The following TENM1 variants were observed in gnomAD, a reference collection of about 807,000 sequenced individuals.
TENM1 encodes the protein teneurin transmembrane protein 1.
In TENM1, 35 loss-of-function variants were observed where a neutral mutation model predicts 174.8. The observed-to-expected ratio is 0.20, with a 90% confidence interval of 0.15 to 0.27. TENM1 has a LOEUF of 0.27. TENM1 is among the 10% of genes least tolerant of loss of function. TENM1 has a pLI of 1.00. For missense variants in TENM1, 1,633 were observed against 2,130.1 expected (o/e 0.77, Z 4.59); for synonymous variants, 781 against 798.7 (o/e 0.98, Z 0.37).
At chrX:124,444,474 T>C (rs1254376866) in intron 23 of TENM1, among the ~76,000 whole-genome samples, 1 of 112,224 alleles carries the variant, frequency 8.9e-6, no homozygotes, top group Non-Finnish European at 1.9e-5. Flanking sequence ...TTTATTTCTT[T>C]AGCATTTTGC....
intron 3 of TENM1, among the ~76,000 whole-genome samples, chrX:124,846,950 C>T (rs753686732): frequency 6.5e-4 from 72 of 111,522 alleles, no homozygotes; most frequent in Non-Finnish European, 1.2e-3. Flanking sequence ...AACATTAGCA[C>T]GGTAAACACT....
chrX:125,097,917 C>G, the TENM1 span, among the ~76,000 whole-genome samples: 4 of 110,699 alleles, frequency 3.6e-5, no homozygotes, highest in Non-Finnish European at 5.7e-5. Context: ...CCTCCTTTGG[C>G]TAAAAATCTG....
chrX:124,537,743 G>A (rs2048235598), intron 15 of TENM1, among the ~76,000 whole-genome samples: 1 of 111,985 alleles, frequency 8.9e-6, no homozygotes, highest in Admixed American at 9.5e-5. Context: ...GGGACAAAAT[G>A]AGATGACAGA....
chrX:124,617,725 T>A, intron 11 of TENM1, among the ~76,000 whole-genome samples: 1 of 112,229 alleles, frequency 8.9e-6, no homozygotes, highest in Middle Eastern at 4.6e-3. Context: ...TTTCTTCCTG[T>A]TATGATAATG....
intron 3 of TENM1, among the ~76,000 whole-genome samples, chrX:124,799,736 G>A (rs961057681): frequency 2.7e-5 from 3 of 111,550 alleles, no homozygotes; most frequent in Non-Finnish European, 3.8e-5. Flanking sequence ...TTGGCTGTGG[G>A]TTTGTCATAA....
At chrX:125,161,226 A>G in the TENM1 span, among the ~76,000 whole-genome samples, 1 of 111,234 alleles carries the variant, frequency 9.0e-6, no homozygotes, top group South Asian at 3.7e-4. Flanking sequence ...AAAATGACAT[A>G]GTATTTGCAT....
chrX:125,132,317 C>T, the TENM1 span, among the ~76,000 whole-genome samples: 22 of 111,890 alleles, frequency 2.0e-4, no homozygotes, highest in Non-Finnish European at 3.8e-4. Context: ...TCTGAGACAA[C>T]TGCTTACAAG....
intron 15 of TENM1, among the ~76,000 whole-genome samples, chrX:124,532,190 G>A (rs776135925): frequency 1.8e-5 from 2 of 111,767 alleles, no homozygotes; most frequent in African/African-American, 3.3e-5. Context: ...TTCCCTATTC[G>A]CAAGACAATT....
At chrX:124,785,658 T>C (rs907884103) in intron 3 of TENM1, among the ~76,000 whole-genome samples, 4 of 112,145 alleles carry the variant, frequency 3.6e-5, no homozygotes, top group African/African-American at 9.7e-5. Context: ...TCAATTTGGT[T>C]AAGGTAAGGC....
At chrX:124,897,723 T>C (rs2057586955) in intron 1 of TENM1, among the ~76,000 whole-genome samples, 1 of 112,328 alleles carries the variant, frequency 8.9e-6, no homozygotes, top group Admixed American at 9.4e-5. Flanking sequence ...CTGAGTATGT[T>C]ACCTTTTGAT....
the TENM1 span, among the ~76,000 whole-genome samples, chrX:125,059,829 C>T: frequency 5.5e-4 from 61 of 110,783 alleles, no homozygotes; most frequent in Non-Finnish European, 8.7e-4. Flanking sequence ...TGTGAATAGG[C>T]CTGGAGGACA....
At chrX:124,955,237 C>T (rs764236854) in intron 1 of TENM1, among the ~76,000 whole-genome samples, 1 of 106,441 alleles carries the variant, frequency 9.4e-6, no homozygotes, top group South Asian at 3.8e-4. Context: ...CATTGGCATC[C>T]CCCAAGGATA....
the TENM1 span, among the ~76,000 whole-genome samples, chrX:125,021,548 A>C: frequency 9.0e-6 from 1 of 110,755 alleles, no homozygotes; most frequent in East Asian, 2.8e-4. Context: ...CTTTATGAAA[A>C]CCATGTCATG....
chrX:124,534,927 G>T (rs995238668), intron 15 of TENM1, among the ~76,000 whole-genome samples: 3 of 111,980 alleles, frequency 2.7e-5, no homozygotes, highest in Non-Finnish European at 5.6e-5. Flanking sequence ...AGCTACTGGG[G>T]TCTCTGTTGG....
At chrX:125,166,295 A>G in the TENM1 span, among the ~76,000 whole-genome samples, 5 of 111,518 alleles carry the variant, frequency 4.5e-5, no homozygotes, top group African/African-American at 1.3e-4. Context: ...ATTACTAATA[A>G]TAACTCCTCT....
chrX:124,955,239 C>G (rs1361837201), intron 1 of TENM1, among the ~76,000 whole-genome samples: 1 of 106,351 alleles, frequency 9.4e-6, no homozygotes, highest in African/African-American at 3.8e-5. Flanking sequence ...TTGGCATCCC[C>G]CAAGGATATT....
chrX:124,916,897 G>A (rs956345684), intron 1 of TENM1, among the ~76,000 whole-genome samples: 11 of 110,214 alleles, frequency 1.0e-4, no homozygotes, highest in Non-Finnish European at 2.1e-4. Flanking sequence ...TCAGAACCGT[G>A]AGCCAATAAA....
the TENM1 span, among the ~76,000 whole-genome samples, chrX:125,041,266 C>T: frequency 1.8e-5 from 2 of 110,978 alleles, no homozygotes; most frequent in Non-Finnish European, 3.8e-5. Flanking sequence ...GGCATTCACA[C>T]AAAAAGGTAA....
At chrX:125,117,336 T>C in the TENM1 span, among the ~76,000 whole-genome samples, 1 of 109,937 alleles carries the variant, frequency 9.1e-6, no homozygotes, top group African/African-American at 3.3e-5. Flanking sequence ...ATAAAGAAAA[T>C]GTGGCACATC....
Sources: allele counts gnomAD v4.1 joint callset (sites outside exome capture counted in the v4.1 genomes callset), GRCh38; gene constraint gnomAD v4.1.1; transcripts MANE v1.5; gene names NCBI Gene and HGNC (gene_info 2026-07-23, HGNC 2026-07-21).